FMR1NB: variants seen among roughly 807,000 people sequenced by gnomAD.
FMR1NB encodes FMR1 neighbor protein.
A neutral mutation model predicts 16.8 loss-of-function variants in FMR1NB; 10 were observed. That is an observed-to-expected ratio of 0.60 (90% CI 0.37 to 1.01). The LOEUF is 1.01. FMR1NB is among the 50% of genes least tolerant of loss of function. The pLI, the probability that FMR1NB is intolerant of heterozygous loss-of-function variation, is 0.01. For synonymous variants in FMR1NB, 83 were observed against 79.1 expected, an observed-to-expected ratio of 1.05 and a Z score of -0.26; for missense variants, 205 against 204.8, an observed-to-expected ratio of 1.00 and a Z score of 0.00.
At chrX:147,992,074 G>A (rs186240334) in intron 1 of FMR1NB, among the ~76,000 whole-genome samples, 29 of 111,901 alleles carry the variant, frequency 2.6e-4, no homozygotes, top group Non-Finnish European at 4.2e-4. Flanking sequence ...ACACAGACAC[G>A]GCAACTATCT....
At chrX:147,983,900 T>C (rs1159568491) in intron 1 of FMR1NB, among the ~76,000 whole-genome samples, 2 of 111,116 alleles carry the variant, frequency 1.8e-5, no homozygotes, top group African/African-American at 6.6e-5. Flanking sequence ...TGGAGTTGAT[T>C]TTGGCATATG....
chrX:148,018,471 CAG>C (rs1424767447), intron 4 of FMR1NB, among the ~76,000 whole-genome samples: 1 of 111,735 alleles, frequency 8.9e-6, no homozygotes, highest in Non-Finnish European at 1.9e-5. Flanking sequence ...GGTATCAAAA[CAG>C]AGACATAGAT....
At chrX:148,021,816 C>G (rs1254586866) in intron 4 of FMR1NB, among the ~76,000 whole-genome samples, 1 of 110,669 alleles carries the variant, frequency 9.0e-6, no homozygotes, top group East Asian at 2.8e-4. Context: ...TTTGCTGAAC[C>G]TGTTCTTTAA....
At chrX:148,004,591 C>T (rs905417113) in intron 2 of FMR1NB, among the ~76,000 whole-genome samples, 12 of 112,012 alleles carry the variant, frequency 1.1e-4, no homozygotes, top group East Asian at 5.6e-4. Context: ...CTTCATAAAA[C>T]GTGAAATATT....
chrX:148,013,716 C>T (rs782672129), intron 4 of FMR1NB, among the ~76,000 whole-genome samples: 2 of 111,818 alleles, frequency 1.8e-5, no homozygotes, highest in South Asian at 3.8e-4. Flanking sequence ...ATCTTCACCT[C>T]TACCTGTTCC....
rs781869105 is a variant in FMR1NB, at chrX:148,015,135, T to C, written c.632+6424T>C. Among the ~76,000 whole-genome samples, 257 of 111,969 alleles carry C rather than the reference T, an allele frequency of 2.3e-3. 4 individuals carry two copies. The highest frequency in any genetic ancestry group is 6.7e-3 in the African/African-American group (207 of 30,872). ...ATATAGTTGCTCAGAGTAGCCACTA[T>C]TGAACCTTTGAATTTCTATGGTATC... On this transcript the variant is annotated intron_variant, in intron 4 of 5. Transcript: ENST00000370467.
intron 1 of FMR1NB, among the ~76,000 whole-genome samples, chrX:147,988,073 G>A (rs1171758019): frequency 9.0e-6 from 1 of 111,231 alleles, no homozygotes; most frequent in African/African-American, 3.3e-5. Flanking sequence ...TAGCTGTTTT[G>A]CACATTAGTT....
intron 4 of FMR1NB, among the ~76,000 whole-genome samples, chrX:148,009,950 A>G (rs2044615562): frequency 8.9e-6 from 1 of 112,246 alleles, no homozygotes; most frequent in Admixed American, 9.4e-5. Context: ...ATGAATAACA[A>G]TAAAGTAACA....
At position 147,985,751 on chromosome X, in the gene FMR1NB, T is replaced by C. The variant is rs782187710; in HGVS notation, c.277+4072T>C. 7.1e-5 allele frequency among the ~76,000 whole-genome samples: 8 copies of C among 112,249 alleles called. No individual in the cohort carries two copies. In the South Asian group the frequency reaches 1.1e-3, roughly 16 times the overall value. ...CATTTGGGTTGGTTCCAAGTCTTTG[T>C]TATTGTAAATAGTGCTGCAATAAAC... is the stretch of plus-strand genomic sequence containing the variant. On this transcript the variant is annotated intron_variant, in intron 1 of 5. Coordinates refer to ENST00000370467, the MANE Select transcript of FMR1NB (RefSeq NM_152578.3).
At chrX:148,024,049 A>G (rs2044692041) in intron 4 of FMR1NB, among the ~76,000 whole-genome samples, 1 of 111,982 alleles carries the variant, frequency 8.9e-6, no homozygotes, top group African/African-American at 3.2e-5. Context: ...AAATGAGATC[A>G]TGCACGTGAA....
intron 4 of FMR1NB, among the ~76,000 whole-genome samples, chrX:148,009,008 C>T (rs1352513946): frequency 2.8e-5 from 3 of 108,713 alleles, no homozygotes; most frequent in African/African-American, 1.0e-4. Context: ...GGCGAAACCC[C>T]GTTTCTATTA....
chrX:148,026,090 T>G (rs782808260), intron 5 of FMR1NB: 1 of 111,706 alleles, frequency 9.0e-6, no homozygotes, highest in African/African-American at 3.2e-5. Context: ...CACATAAATA[T>G]GTATTACTAT....
chrX:148,009,000 C>A (rs782209723), intron 4 of FMR1NB, among the ~76,000 whole-genome samples: 32 of 108,947 alleles, frequency 2.9e-4, no homozygotes, highest in Non-Finnish European at 2.1e-4. Context: ...ACCAACATGG[C>A]GAAACCCCGT....
chrX:147,984,483 A>G (rs1210108879), intron 1 of FMR1NB, among the ~76,000 whole-genome samples: 1 of 112,285 alleles, frequency 8.9e-6, no homozygotes, highest in African/African-American at 3.2e-5. Context: ...GCTATTGCAA[A>G]TGGAATGGTT....
chrX:148,010,543 T>G (rs782368129), intron 4 of FMR1NB, among the ~76,000 whole-genome samples: 11 of 111,901 alleles, frequency 9.8e-5, no homozygotes, highest in Non-Finnish European at 1.7e-4. Flanking sequence ...TTTCCTTAAC[T>G]CACTTTCTGT....
chrX:148,001,619 G>T (rs2044570810), intron 1 of FMR1NB, among the ~76,000 whole-genome samples: 1 of 110,335 alleles, frequency 9.1e-6, no homozygotes, highest in Admixed American at 9.8e-5. Flanking sequence ...GCGTGATGGT[G>T]CATGCCTGTA....
intron 4 of FMR1NB, among the ~76,000 whole-genome samples, chrX:148,019,199 A>G (rs2044666537): frequency 8.9e-6 from 1 of 112,291 alleles, no homozygotes; most frequent in Non-Finnish European, 1.9e-5. Flanking sequence ...ACTCTGATGC[A>G]TTCTTCAGTA....
chrX:147,985,278 C>T (rs1305584483), intron 1 of FMR1NB, among the ~76,000 whole-genome samples: 1 of 111,330 alleles, frequency 9.0e-6, no homozygotes, highest in Non-Finnish European at 1.9e-5. Flanking sequence ...TGAAGCCATC[C>T]GTTCCTAGAT....
intron 4 of FMR1NB, among the ~76,000 whole-genome samples, chrX:148,018,838 C>A (rs2044664442): frequency 9.0e-6 from 1 of 111,682 alleles, no homozygotes; most frequent in Admixed American, 9.5e-5. Context: ...TCTAATTAAA[C>A]TAAAGAGCTT....
Sources: gnomAD v4.1 joint callset for allele counts (sites outside exome capture counted in the v4.1 genomes callset) on GRCh38, gnomAD v4.1.1 for gene constraint, MANE v1.5 for transcripts, NCBI Gene and HGNC (gene_info 2026-07-23, HGNC 2026-07-21) for gene names.